TP53TG5: variants seen among roughly 807,000 people sequenced by gnomAD.
TP53TG5 encodes TP53 target 5.
In TP53TG5, 17 loss-of-function variants were observed where a neutral mutation model predicts 30.0. That is an observed-to-expected ratio of 0.57 (90% confidence interval 0.39 to 0.85). The LOEUF is 0.85. Ranked by LOEUF, TP53TG5 falls within the 40% of genes least tolerant of loss-of-function variation. The probability of loss-of-function intolerance (pLI) is 0.00; values close to 1 mark genes in which losing one functional copy is unlikely to be tolerated. For missense variants in TP53TG5, 338 were observed against 367.9 expected (o/e 0.92, Z 0.67); for synonymous variants, 137 against 139.2 (o/e 0.98, Z 0.11).
rs540263651 is a variant in TP53TG5 at position 45,377,582 on chromosome 20, T to C, written c.80A>G (p.Glu27Gly). ...CTCAATTACTTTGCTCACAGGCTGC[T>C]CTGTCTCGTCCCGCAGTTTCTCATC... ...MQDEKLRDET[E>G]QPVSKVIERN... The change falls in exon 2 of 5, where the codon GAG becomes GGG. Residue 27 changes from glutamate (E) to glycine (G), a missense_variant. Physicochemically the swap from Glu to Gly is moderately conservative, Grantham distance 98 (BLOSUM62 -2). Transcript: ENST00000372726. The C allele has an allele frequency of 6.2e-7, 1 of 1,614,132 alleles. No individual in the cohort carries two copies. The highest frequency in any genetic ancestry group is 1.3e-5 in the African/African-American group (1 of 75,050).
chr20:45,374,625 T>A (rs1187604900), intron 4 of TP53TG5: 1 of 438,960 alleles, frequency 2.3e-6, no homozygotes, highest in Admixed American at 3.9e-5. Context: ...AAATAGAGAG[T>A]TGAATTGATC....
Position 45,372,876 on chromosome 20 carries a change from G to A in TP53TG5, c.*1031C>T, listed in dbSNP as rs1988596488. On this transcript the variant is annotated 3_prime_UTR_variant, in exon 5 of 5. Coordinates refer to ENST00000372726, the MANE Select transcript of TP53TG5 (RefSeq NM_014477.3). ...GCCCAGGCTGGTCCGCGCGGCAGCT[G>A]ATGCCCAGTCTTGGTGCCCAGTAAT... The A allele has an allele frequency of 6.9e-6, 1 of 144,612 alleles. No individual in the cohort carries two copies. Among genetic ancestry groups the A allele is most frequent in the Non-Finnish European group, 1.5e-5 (1 of 66,568 alleles). The allele number at this position is 144,612 out of a possible 1,614,324, so 9.0% of individuals were successfully genotyped here. A position where few individuals can be genotyped will look rare whatever the true frequency, so the allele number is the denominator to read the frequency against.
chr20:45,374,974 C>A lies in TP53TG5; in HGVS notation c.768+65G>T, dbSNP rs2231625. On this transcript the variant is annotated intron_variant, in intron 4 of 4. Coordinates refer to ENST00000372726, the MANE Select transcript of TP53TG5 (RefSeq NM_014477.3). ...AGATCCTGAACCCTGACTCTGGGGCCCAGCTCTGGGCCTGGCTTGGGGCTT... is the reference window on the plus strand; with the variant it reads ...AGATCCTGAACCCTGACTCTGGGGCACAGCTCTGGGCCTGGCTTGGGGCTT... The A allele has an allele frequency of 3.3e-4, 509 of 1,556,518 alleles. 4 individuals are homozygous for A. In the East Asian group the frequency reaches 0.011, roughly 35 times the overall value.
chr20:45,378,113 C>A, intron 1 of TP53TG5, 76 bp downstream of exon 1: 1 of 1,602,418 alleles, frequency 6.2e-7, no homozygotes, highest in Admixed American at 1.7e-5. Context: ...TGGAAAGCCC[C>A]TTTCCTTGGC....
At chr20:45,374,866 T>A in intron 4 of TP53TG5, 173 bp downstream of exon 4, 1 of 808,632 alleles carries the variant, frequency 1.2e-6, no homozygotes, top group Non-Finnish European at 1.9e-6. Flanking sequence ...CCCTTCTGTA[T>A]GATGTTGGTC....
rs774818638 is a variant in TP53TG5 at position 45,375,452 on chromosome 20, C to T, written c.355G>A (p.Gly119Arg). The change falls in exon 4 of 5, where the codon GGG becomes AGG. Residue 119 changes from glycine to arginine, a missense_variant. Transcript: ENST00000372726. ...TTGTACTCTTTTTTCTTAGGGTCCCCTGTGGACTCTAATTTCTTGGACTTG... is the reference window on the plus strand; with the variant it reads ...TTGTACTCTTTTTTCTTAGGGTCCCTTGTGGACTCTAATTTCTTGGACTTG... ...ELKSKKLEST[G>R]DPKKKEYKEW... The T allele has an allele frequency of 1.9e-6, 3 of 1,614,020 alleles. No homozygotes were observed. The highest frequency in any genetic ancestry group is 2.5e-6 in the Non-Finnish European group (3 of 1,180,032).
Position 45,373,709 on chromosome 20 carries a change from C to T in TP53TG5, c.*198G>A. The T allele has an allele frequency of 1.7e-6, 1 of 582,750 alleles. No homozygotes were observed. The highest frequency in any genetic ancestry group is 3.1e-5 in the Admixed American group (1 of 32,536). The allele number at this position is 582,750 out of a possible 1,614,324, so 36.1% of individuals were successfully genotyped here. ...GAGCGCGCCACTCAGGAGACTAGCT[C>T]GCGGAGGTGGGGGAGGGGTGCTGCT... On this transcript the variant is annotated 3_prime_UTR_variant, in exon 5 of 5. Coordinates refer to ENST00000372726, the MANE Select transcript of TP53TG5 (RefSeq NM_014477.3).
At chr20:45,374,188 C>T (rs540422129) in intron 4 of TP53TG5, 177 bp from the exon 5 acceptor site, 54 of 672,104 alleles carry the variant, frequency 8.0e-5, no homozygotes, top group Non-Finnish European at 1.3e-4. Context: ...CCCTTCCTTT[C>T]GTGGGACTTT....
rs368997564 is a variant in TP53TG5, at chr20:45,377,662, GTGTGGTGCCTCA to G, written c.49-61_49-50del. 698 of 1,576,546 alleles carry G rather than the reference GTGTGGTGCCTCA, an allele frequency of 4.4e-4. 5 individuals carry two copies. The African/African-American group carries it at 8.5e-3, about 19-fold the overall frequency. On this transcript the variant is annotated intron_variant, in intron 1 of 4. Coordinates refer to ENST00000372726, the MANE Select transcript of TP53TG5 (RefSeq NM_014477.3). ...ACATAAACCCAGAGGAATCAGCCAG[GTGTGGTGCCTCA>G]TGTCTGTAATCCCAGCACTTTGGGA...
At position 45,375,235 on chromosome 20, in the gene TP53TG5, C is replaced by A; in HGVS notation, c.572G>T (p.Arg191Leu). ...GPRVIFIKPY[R>L]NRTPMGHMKQ... ...CATGTGCCCCATGGGAGTTCTATTG[C>A]GGTAGGGCTTAATGAAGATGACTCG... The change falls in exon 4 of 5, where the codon CGC becomes CTC. Residue 191 changes from arginine (R) to leucine (L), a missense_variant. Physicochemically the swap from Arg to Leu is moderately radical, Grantham distance 102 (BLOSUM62 -2). Transcript: ENST00000372726. 6.2e-7 allele frequency: 1 copy of A among 1,614,138 alleles called. No individual in the cohort carries two copies. Among genetic ancestry groups the A allele is most frequent in the Non-Finnish European group, 8.5e-7 (1 of 1,180,024 alleles).
intron 1 of TP53TG5, among the ~76,000 whole-genome samples, 173 bp downstream of exon 1, chr20:45,378,016 G>A (rs367629587): frequency 7.2e-5 from 11 of 152,280 alleles, no homozygotes; most frequent in Admixed American, 7.2e-4. Flanking sequence ...TGGGAGTTTT[G>A]TCATCTTGGT....
chr20:45,375,322 G>C lies in TP53TG5; in HGVS notation c.485C>G (p.Thr162Arg), dbSNP rs762407544. 12 of 1,614,034 alleles carry C rather than the reference G, an allele frequency of 7.4e-6. 1 individual carries two copies. In the African/African-American group the frequency reaches 1.5e-4, roughly 20 times the overall value. Residue 162 changes from threonine (T) to arginine (R), a missense_variant, in exon 4 of 5, where the codon ACA (threonine) becomes AGA (arginine). Physicochemically the swap from Thr to Arg is moderately conservative, Grantham distance 71 (BLOSUM62 -1). Coordinates refer to ENST00000372726, the MANE Select transcript of TP53TG5 (RefSeq NM_014477.3). ...AGGGTTCAAGCTATCATCCCTCGAT[G>C]TCCTTGGAACCTCAGGCTCTATATG... ...EKHIEPEVPR[T>R]SRDDSLNPGV... is the part of the protein sequence containing the mutation.
chr20:45,378,224 C>T lies in TP53TG5; in HGVS notation c.13G>A (p.Ala5Thr). ...CTGCTGTTCTTGGGCCTCTTCTTTG[C>T]TGATGGACTCATGCTGGGGCTGTGA... MSPSAKKRPKNSRVS... is the reference protein window; with the variant it reads MSPSTKKRPKNSRVS... The change falls in exon 1 of 5, where the codon GCA becomes ACA. Residue 5 changes from alanine to threonine, a missense_variant. By Grantham distance (58) the Ala-to-Thr change is moderately conservative. Transcript: ENST00000372726. 6.2e-7 allele frequency: 1 copy of T among 1,614,120 alleles called. No homozygotes were observed. The highest frequency in any genetic ancestry group is 1.1e-5 in the South Asian group (1 of 91,082).
intron 4 of TP53TG5, 112 bp from the exon 5 acceptor site, chr20:45,374,123 G>A (rs1988644464): frequency 1.0e-6 from 1 of 978,314 alleles, no homozygotes; most frequent in Non-Finnish European, 1.6e-6. Context: ...GGTTGGAAAT[G>A]CCTTTGCTAA....
chr20:45,377,741 G>T, intron 1 of TP53TG5, 128 bp from the exon 2 acceptor site: 1 of 798,978 alleles, frequency 1.3e-6, no homozygotes, highest in South Asian at 1.5e-5. Flanking sequence ...AGTTTGAGAT[G>T]CCTGGCCAAC....
At position 45,375,459 on chromosome 20, in the gene TP53TG5, C is replaced by T; in HGVS notation, c.348G>A (p.Glu116=). The T allele has an allele frequency of 6.2e-7, 1 of 1,614,124 alleles. No individual in the cohort carries two copies. The highest frequency in any genetic ancestry group is 8.5e-7 in the Non-Finnish European group (1 of 1,180,020). ...CTTTTTTCTTAGGGTCCCCTGTGGA[C>T]TCTAATTTCTTGGACTTGAGTTCCT... ...SEKELKSKKL[E]STGDPKKKEY... is the part of the protein sequence containing the mutation. Residue 116 remains glutamate, a synonymous_variant, in exon 4 of 5, where the codon GAG becomes GAA. Transcript: ENST00000372726.
chr20:45,378,199 C>T lies in TP53TG5; in HGVS notation c.38G>A (p.Arg13Lys), dbSNP rs761630459. 1.2e-6 allele frequency: 2 copies of T among 1,614,134 alleles called. No individual in the cohort carries two copies. The highest frequency in any genetic ancestry group is 2.2e-5 in the South Asian group (2 of 91,076). Residue 13 changes from arginine to lysine, a missense_variant, in exon 1 of 5, where the codon AGG becomes AAG. Physicochemically the swap from Arg to Lys is conservative, Grantham distance 26. Transcript: ENST00000372726. ...AGTCCCAAGTCTGACCTTGGAAACC[C>T]TGCTGTTCTTGGGCCTCTTCTTTGC... Reference protein sequence around the residue: ...PSAKKRPKNSRVSKMQDEKLR... With the variant: ...PSAKKRPKNSKVSKMQDEKLR...
chr20:45,374,374 C>A (rs898113345), intron 4 of TP53TG5: 2 of 639,670 alleles, frequency 3.1e-6, no homozygotes, highest in Admixed American at 2.7e-5. Context: ...TGGGCTTAAG[C>A]GATCCTCCGA....
At chr20:45,374,050 C>T (rs537773418) in intron 4 of TP53TG5, 39 bp from the exon 5 acceptor site, 16 of 1,598,192 alleles carry the variant, frequency 1.0e-5, no homozygotes, top group South Asian at 1.1e-5. Context: ...CTAAGACTGT[C>T]CCCAGGGGGC....
Sources: gnomAD v4.1 joint callset for allele counts (sites outside exome capture counted in the v4.1 genomes callset) on GRCh38, gnomAD v4.1.1 for gene constraint, MANE v1.5 for transcripts, NCBI Gene and HGNC (gene_info 2026-07-23, HGNC 2026-07-21) for gene names.